Variants in TSPEAR observed in about 807,000 individuals in gnomAD.
TSPEAR encodes thrombospondin type laminin G domain and EAR repeats.
Under a neutral mutation model 71.6 loss-of-function variants are expected in TSPEAR, and 69 were observed. That is an observed-to-expected ratio of 0.96 (90% CI 0.79 to 1.18). The LOEUF is 1.18. Ranked by LOEUF, TSPEAR falls within the 50% of genes most tolerant of loss-of-function variation. The pLI is 0.00. For missense variants in TSPEAR, 971 were observed against 894.9 expected, an observed-to-expected ratio of 1.09 and a Z score of -1.09; for synonymous variants, 402 against 387.2, an observed-to-expected ratio of 1.04 and a Z score of -0.45.
chr21:44,546,673 T>G lies in TSPEAR; in HGVS notation c.304-12750A>C, dbSNP rs1272457867. Among the ~76,000 whole-genome samples, 2 of 152,220 alleles carry G rather than the reference T, an allele frequency of 1.3e-5. No homozygotes were observed. The highest frequency in any genetic ancestry group is 2.9e-5 in the Non-Finnish European group (2 of 68,040). On this transcript the variant is annotated intron_variant, in intron 2 of 11. Transcript: ENST00000323084. The surrounding 1 kb of genome is among the most constrained non-coding windows in gnomAD (Gnocchi z 4.4). ...TAATTTTGTCAGATGCTGATGCCTT[T>G]TTGGTTGTTGGTTTCCCCTGCCGCT...
At chr21:44,615,557 T>TG (rs201776581) in intron 1 of TSPEAR, among the ~76,000 whole-genome samples, 3,770 of 150,220 alleles carry the variant, frequency 0.025, 168 homozygotes, top group African/African-American at 0.089. Context: ...AGGTTTTTTT[T>TG]TTTTTTTTAA....
chr21:44,540,144 C>T (rs200071559), intron 2 of TSPEAR: 59 of 1,612,934 alleles, frequency 3.7e-5, no homozygotes, highest in East Asian at 1.8e-4. Context: ...ATGGTGGACG[C>T]GGCCATGCTG....
rs1980667500 is a variant in TSPEAR, at chr21:44,599,953, GGATCTGGGGCCTCCCTAAGT to G, written c.83-31968_83-31949del. Among the ~76,000 whole-genome samples, 3 of 152,180 alleles carry G rather than the reference GGATCTGGGGCCTCCCTAAGT, an allele frequency of 2.0e-5. No individual in the cohort carries two copies. In the South Asian group the frequency reaches 6.2e-4, roughly 32 times the overall value. ...AAATGGAAATGGGGGCCCCAAACAG[GGATCTGGGGCCTCCCTAAGT>G]GCCCAGATGGAAGAGGGGGTGCACG... On this transcript the variant is annotated intron_variant, in intron 1 of 11. Coordinates refer to ENST00000323084, the MANE Select transcript of TSPEAR (RefSeq NM_144991.3).
chr21:44,649,451 A>G (rs1320339153), intron 1 of TSPEAR, among the ~76,000 whole-genome samples: 1 of 152,102 alleles, frequency 6.6e-6, no homozygotes, highest in Non-Finnish European at 1.5e-5. Context: ...CTTGGTTCCC[A>G]AACGGCTCCC....
chr21:44,539,152 G>A, intron 2 of TSPEAR: 1 of 1,357,436 alleles, frequency 7.4e-7, no homozygotes, highest in South Asian at 1.5e-5. Context: ...GAGGCTCCTG[G>A]GAGCAAGGAG....
At chr21:44,626,267 G>A (rs1050342236) in intron 1 of TSPEAR, among the ~76,000 whole-genome samples, 5 of 152,228 alleles carry the variant, frequency 3.3e-5, no homozygotes, top group African/African-American at 1.2e-4. Flanking sequence ...CAAGAAGCTC[G>A]GGACTTCATC....
rs573047617 is a variant in TSPEAR at position 44,690,060 on chromosome 21, C to G, written c.82+21373G>C. ...TCTCCTTTGGCAACACCCTTACAGA[C>G]ACTCCCAGGATCAGTACTTTGCATC... is the stretch of plus-strand genomic sequence containing the variant. On this transcript the variant is annotated intron_variant, in intron 1 of 11. Coordinates refer to ENST00000323084, the MANE Select transcript of TSPEAR (RefSeq NM_144991.3). Among the ~76,000 whole-genome samples the G allele has an allele frequency of 9.9e-5, 15 of 152,262 alleles. No homozygotes were observed. The East Asian group carries it at 2.7e-3, about 27-fold the overall frequency.
chr21:44,514,265 A>G (rs1211384575), intron 9 of TSPEAR, among the ~76,000 whole-genome samples: 1 of 152,270 alleles, frequency 6.6e-6, no homozygotes, highest in African/African-American at 2.4e-5. Context: ...CTGTTTTTCT[A>G]AGCACCACAT....
At chr21:44,626,575 G>C (rs1555934391) in intron 1 of TSPEAR, among the ~76,000 whole-genome samples, 1 of 152,200 alleles carries the variant, frequency 6.6e-6, no homozygotes, top group African/African-American at 2.4e-5. Context: ...GAGTCCTGCT[G>C]CCTCCCAAGC....
rs781813611 is a variant in TSPEAR at position 44,527,301 on chromosome 21, G to A, written c.1140C>T (p.Ile380=). 1.2e-5 allele frequency: 20 copies of A among 1,614,120 alleles called. No individual in the cohort carries two copies. The highest frequency in any genetic ancestry group is 2.2e-5 in the East Asian group (1 of 44,874). The change falls in exon 7 of 12, where the codon ATC becomes ATT. Residue 380 remains isoleucine, a synonymous_variant. Transcript: ENST00000323084. Reference sequence around the variant, plus strand: ...CCGAACACAGACTTGCCTTTTTCCCGATGGTGAAATGCCTCCAGGCCTGTG... The same window carrying A: ...CCGAACACAGACTTGCCTTTTTCCCAATGGTGAAATGCCTCCAGGCCTGTG... ...HQAQAWRHFT[I]GKKIFLAVAN...
At chr21:44,673,228 A>G (rs1204033014) in intron 1 of TSPEAR, among the ~76,000 whole-genome samples, 1 of 152,246 alleles carries the variant, frequency 6.6e-6, no homozygotes, top group Non-Finnish European at 1.5e-5. Flanking sequence ...CTTACAGGTC[A>G]GGACAGAATG....
rs189184998 is a variant in TSPEAR, at chr21:44,517,745, C to T, written c.1566+4138G>A. ...CTGCGGGGGCTCTGTGGACATCACT[C>T]GCCTTCAGAACACTGAGCCCTCCTA... On this transcript the variant is annotated intron_variant, in intron 9 of 11. Coordinates refer to ENST00000323084, the MANE Select transcript of TSPEAR (RefSeq NM_144991.3). The T allele has an allele frequency of 3.6e-4, 169 of 471,046 alleles. No homozygotes were observed. In the East Asian group the frequency reaches 4.9e-3, roughly 14 times the overall value. 29.2% of individuals were successfully genotyped at this position (471,046 alleles called of 1,614,324 possible). A position where few individuals can be genotyped will look rare whatever the true frequency, so the allele number is the denominator to read the frequency against.
At chr21:44,536,563 A>G (rs2053093984) in intron 2 of TSPEAR, among the ~76,000 whole-genome samples, 1 of 152,264 alleles carries the variant, frequency 6.6e-6, no homozygotes, top group South Asian at 2.1e-4. Context: ...AAAGGTTTCT[A>G]CTTAAACCCC....
chr21:44,591,797 C>G, intron 1 of TSPEAR: 1 of 1,585,636 alleles, frequency 6.3e-7, no homozygotes. Flanking sequence ...CAGACGGGCA[C>G]GCAGCAGGCC....
At chr21:44,639,700 C>T (rs587744404) in intron 1 of TSPEAR, among the ~76,000 whole-genome samples, 1 of 152,226 alleles carries the variant, frequency 6.6e-6, no homozygotes. Flanking sequence ...CCCACACATG[C>T]ATGTCTGAGC....
At position 44,642,504 on chromosome 21, in the gene TSPEAR, C is replaced by G. The variant is rs1984070965; in HGVS notation, c.82+68929G>C. Among the ~76,000 whole-genome samples, 1 of 152,040 alleles carries G rather than the reference C, an allele frequency of 6.6e-6. No individual in the cohort carries two copies. The highest frequency in any genetic ancestry group is 1.5e-5 in the Non-Finnish European group (1 of 68,018). ...AACCTACAATAACAGAAAACTAAGC[C>G]ACTATGTATAGCCATTATGGGAAAT... is the stretch of plus-strand genomic sequence containing the variant. On this transcript the variant is annotated intron_variant, in intron 1 of 11. Transcript: ENST00000323084. This position sits in a 1 kb window ranked among gnomAD's most constrained non-coding sequence, Gnocchi z 4.1.
At chr21:44,568,458 T>C (rs233273) in intron 1 of TSPEAR, among the ~76,000 whole-genome samples, 67,988 of 152,078 alleles carry the variant, frequency 0.45, 16,115 homozygotes, top group Non-Finnish European at 0.53. Flanking sequence ...GTGCTGCCCT[T>C]GGGTGCTGTG....
At chr21:44,603,564 G>A (rs1412758113) in intron 1 of TSPEAR, among the ~76,000 whole-genome samples, 1 of 152,210 alleles carries the variant, frequency 6.6e-6, no homozygotes, top group Non-Finnish European at 1.5e-5. Context: ...CGCCCCGGGT[G>A]TGAACTTCAG....
chr21:44,617,768 G>A (rs1438558429), intron 1 of TSPEAR, among the ~76,000 whole-genome samples: 3 of 152,258 alleles, frequency 2.0e-5, no homozygotes, highest in Non-Finnish European at 4.4e-5. Flanking sequence ...CGCTGCACTT[G>A]ATGTCTGCAA....
Sources: gnomAD v4.1 joint callset for allele counts (sites outside exome capture counted in the v4.1 genomes callset) on GRCh38, gnomAD v4.1.1 for gene constraint, Gnocchi (gnomAD v3.1) non-coding constraint, MANE v1.5 for transcripts, NCBI Gene and HGNC (gene_info 2026-07-23, HGNC 2026-07-21) for gene names.